AGBL1: variants seen among roughly 807,000 people sequenced by gnomAD.
AGBL1 encodes cytosolic carboxypeptidase 4.
In AGBL1, 130 loss-of-function variants were observed where a neutral mutation model predicts 118.9. The ratio of observed to expected loss-of-function variants is 1.09; its 90% CI spans 0.95 to 1.26. AGBL1 has a LOEUF of 1.26. Ranked by LOEUF, AGBL1 falls within the 50% of genes most tolerant of loss-of-function variation. The pLI is 0.00. For missense variants in AGBL1, 1,584 were observed against 1,298.1 expected (o/e 1.22, Z -3.38); for synonymous variants, 555 against 478.9 (o/e 1.16, Z -2.08).
At chr15:86,572,590 G>A (rs1305055249) in intron 21 of AGBL1, among the ~76,000 whole-genome samples, 1 of 152,196 alleles carries the variant, frequency 6.6e-6, no homozygotes, top group East Asian at 1.9e-4. Context: ...AGCAACATGG[G>A]GACAGGGGCC....
At chr15:86,560,754 C>G (rs897502259) in intron 21 of AGBL1, among the ~76,000 whole-genome samples, 1 of 152,208 alleles carries the variant, frequency 6.6e-6, no homozygotes, top group Admixed American at 6.5e-5. Context: ...ACAGTCCCAC[C>G]AACAGTGTAA....
chr15:86,691,180 T>C (rs2086162315), intron 22 of AGBL1, among the ~76,000 whole-genome samples: 1 of 152,090 alleles, frequency 6.6e-6, no homozygotes, highest in Admixed American at 6.6e-5. Flanking sequence ...TTCCTGGAGG[T>C]ACTGACAGCT....
intron 18 of AGBL1, among the ~76,000 whole-genome samples, chr15:86,413,746 T>C (rs1489608011): frequency 6.6e-6 from 1 of 152,170 alleles, no homozygotes; most frequent in Non-Finnish European, 1.5e-5. Context: ...TTGAGTTGTT[T>C]GTGTTCCTTG....
At chr15:86,412,672 G>A (rs146997285) in intron 18 of AGBL1, among the ~76,000 whole-genome samples, 5 of 152,154 alleles carry the variant, frequency 3.3e-5, no homozygotes, top group Non-Finnish European at 4.4e-5. Context: ...CTTCTAAGTT[G>A]CTCTAAACAA....
chr15:86,334,282 C>T (rs577476777), intron 17 of AGBL1, among the ~76,000 whole-genome samples: 12 of 152,256 alleles, frequency 7.9e-5, no homozygotes, highest in Non-Finnish European at 1.5e-4. Context: ...AAAGACTCCA[C>T]CACAAGGCTC....
chr15:86,919,790 C>T (rs1158581878), downstream of AGBL1, among the ~76,000 whole-genome samples: 2 of 152,112 alleles, frequency 1.3e-5, no homozygotes, highest in Admixed American at 6.5e-5. Flanking sequence ...ATACCTTGTG[C>T]CAGATGATAT....
intron 17 of AGBL1, among the ~76,000 whole-genome samples, chr15:86,356,067 T>C (rs997973262): frequency 6.6e-6 from 1 of 152,130 alleles, no homozygotes; most frequent in African/African-American, 2.4e-5. Flanking sequence ...ATCTTCTGCG[T>C]TTTAAATCTG....
intron 21 of AGBL1, among the ~76,000 whole-genome samples, chr15:86,622,267 T>A (rs1407704800): frequency 6.7e-6 from 1 of 150,362 alleles, no homozygotes; most frequent in East Asian, 2.0e-4. Flanking sequence ...AAGGCGGAGG[T>A]TGCAGTGAGC....
At chr15:86,770,919 C>T (rs2078169629) in intron 22 of AGBL1, among the ~76,000 whole-genome samples, 2 of 152,172 alleles carry the variant, frequency 1.3e-5, no homozygotes, top group South Asian at 4.1e-4. Context: ...GATTACCTAT[C>T]TCAGCTACAC....
At chr15:86,968,318 C>T (rs994338134) in intron 23 of AGBL1, among the ~76,000 whole-genome samples, 2 of 151,826 alleles carry the variant, frequency 1.3e-5, no homozygotes, top group African/African-American at 4.8e-5. Flanking sequence ...CAATAATAGT[C>T]TCTATCTCAT....
intron 17 of AGBL1, chr15:86,316,847 C>G (rs1311507003): frequency 6.6e-6 from 1 of 152,258 alleles, no homozygotes; most frequent in Non-Finnish European, 1.5e-5. Flanking sequence ...GTTGAGCACT[C>G]GGTCTTGATC....
intron 17 of AGBL1, among the ~76,000 whole-genome samples, chr15:86,366,766 G>A (rs2080893449): frequency 6.6e-6 from 1 of 152,156 alleles, no homozygotes; most frequent in Non-Finnish European, 1.5e-5. Flanking sequence ...TGCCTCAGAG[G>A]TGCAGTCTCA....
chr15:86,270,976 C>G (rs898940655), intron 14 of AGBL1, among the ~76,000 whole-genome samples: 1 of 151,600 alleles, frequency 6.6e-6, no homozygotes, highest in Non-Finnish European at 1.5e-5. Context: ...GGCTGATGGC[C>G]CCTTCTTGCA....
chr15:86,119,278 C>T (rs1897945621), intron 1 of AGBL1, among the ~76,000 whole-genome samples: 1 of 152,060 alleles, frequency 6.6e-6, no homozygotes, highest in African/African-American at 2.4e-5. Context: ...GTCTGTGTCT[C>T]CTGAGTGAAC....
At chr15:86,182,193 A>G (rs907024617) in intron 5 of AGBL1, among the ~76,000 whole-genome samples, 3 of 152,100 alleles carry the variant, frequency 2.0e-5, no homozygotes, top group Non-Finnish European at 2.9e-5. Flanking sequence ...AGAGAAAGGC[A>G]TAAACCAATT....
intron 22 of AGBL1, among the ~76,000 whole-genome samples, chr15:86,780,657 C>CTTTTT (rs71144066): frequency 7.0e-5 from 10 of 142,996 alleles, no homozygotes; most frequent in Non-Finnish European, 1.2e-4. Context: ...TCTTTAACTT[C>CTTTTT]TTTTTTTTTT....
intron 24 of AGBL1, among the ~76,000 whole-genome samples, chr15:87,007,901 C>T (rs1440400552): frequency 6.6e-6 from 1 of 152,056 alleles, no homozygotes; most frequent in East Asian, 1.9e-4. Flanking sequence ...ATAGTGGACT[C>T]CGAATGATAT....
intron 17 of AGBL1, among the ~76,000 whole-genome samples, chr15:86,377,343 T>A (rs918725016): frequency 6.6e-6 from 1 of 152,184 alleles, no homozygotes; most frequent in South Asian, 2.1e-4. Context: ...CTCAGGACAC[T>A]GAAATACATC....
intron 22 of AGBL1, among the ~76,000 whole-genome samples, chr15:86,702,985 G>T (rs903261689): frequency 3.9e-5 from 6 of 152,196 alleles, no homozygotes; most frequent in African/African-American, 9.6e-5. Flanking sequence ...ATGATTGGAG[G>T]ATGAGGATGA....
Sources: allele counts gnomAD v4.1 joint callset (sites outside exome capture counted in the v4.1 genomes callset), GRCh38; gene constraint gnomAD v4.1.1; transcripts MANE v1.5; gene names NCBI Gene and HGNC (gene_info 2026-07-23, HGNC 2026-07-21).